TENM2: variants seen among roughly 807,000 people sequenced by gnomAD.
TENM2 encodes teneurin transmembrane protein 2.
In TENM2, 52 loss-of-function variants were observed where a neutral mutation model predicts 245.2. The observed-to-expected ratio is 0.21, with a 90% CI of 0.17 to 0.27. The LOEUF (loss-of-function observed/expected upper bound fraction) is 0.27. Among genes scored for constraint, TENM2 ranks in the 10% least tolerant of loss-of-function variants. The pLI is 1.00. For synonymous variants in TENM2, 1,363 were observed against 1,438.9 expected, an observed-to-expected ratio of 0.95 and a Z score of 1.19; for missense variants, 3,046 against 3,666.8, an observed-to-expected ratio of 0.83 and a Z score of 4.37.
At chr5:167,981,704 C>A (rs1782846140) in intron 4 of TENM2, among the ~76,000 whole-genome samples, 1 of 152,164 alleles carries the variant, frequency 6.6e-6, no homozygotes. Context: ...TCCCCTTGGC[C>A]AGGCATGGTG....
chr5:167,256,802 C>G, the TENM2 span, among the ~76,000 whole-genome samples: 46 of 151,874 alleles, frequency 3.0e-4, no homozygotes, highest in Non-Finnish European at 2.9e-5. Context: ...AGAAAAAATA[C>G]AAACTAATAA....
Position 167,606,322 on chromosome 5 carries a change from T to A in TENM2, c.502+230849T>A, listed in dbSNP as rs576762632. ...AAAGTCTGAGATCAGGGTGCCAGCA[T>A]GGTCAGGTTTTTGATGCCCTTGATT... is the stretch of plus-strand genomic sequence containing the variant. On this transcript the variant is annotated intron_variant, in intron 2 of 28. Transcript: ENST00000518659. Among the ~76,000 whole-genome samples, 7 of 151,922 alleles carry A rather than the reference T, an allele frequency of 4.6e-5. No individual in the cohort carries two copies. The South Asian group carries it at 1.2e-3, about 27-fold the overall frequency.
At chr5:167,598,734 A>T (rs1776390591) in intron 2 of TENM2, among the ~76,000 whole-genome samples, 2 of 151,816 alleles carry the variant, frequency 1.3e-5, no homozygotes, top group South Asian at 4.2e-4. Context: ...AGGTATGATG[A>T]TCAGAGTTTG....
intron 3 of TENM2, among the ~76,000 whole-genome samples, chr5:167,920,219 C>T (rs1197661612): frequency 1.3e-5 from 2 of 151,266 alleles, no homozygotes; most frequent in South Asian, 2.1e-4. Context: ...GGGCCAGGCG[C>T]GGTGGCTCAC....
At chr5:168,125,095 C>CTCT (rs1562190023) in intron 11 of TENM2, 45 bp downstream of exon 13, 1 of 1,517,752 alleles carries the variant, frequency 6.6e-7, no homozygotes, top group Non-Finnish European at 9.0e-7. Flanking sequence ...CACTCCTGCC[C>CTCT]TGTGTTCCAT....
At chr5:167,147,646 C>T in the TENM2 span, among the ~76,000 whole-genome samples, 34,989 of 152,020 alleles carry the variant, frequency 0.23, 5,532 homozygotes, top group African/African-American at 0.45. Flanking sequence ...GTTCTTTCAT[C>T]CATGAATCAC....
At chr5:167,300,655 G>C (rs192921536) in intron 1 of TENM2, among the ~76,000 whole-genome samples, 1 of 152,114 alleles carries the variant, frequency 6.6e-6, no homozygotes, top group Non-Finnish European at 1.5e-5. Flanking sequence ...AGGGGGGTAA[G>C]AGTGATTAGG....
exon 10 of TENM2, chr5:168,118,415 G>T: frequency 6.2e-7 from 1 of 1,610,938 alleles, no homozygotes. Flanking sequence ...CCTTCCTGCG[G>T]GGGCCACGGC....
chr5:168,023,259 G>T (rs1253880217), intron 5 of TENM2, among the ~76,000 whole-genome samples: 2 of 152,204 alleles, frequency 1.3e-5, no homozygotes, highest in African/African-American at 4.8e-5. Context: ...TTTGAAATTG[G>T]ATATTCAAAA....
At chr5:167,954,980 C>G (rs564110961) in intron 4 of TENM2, among the ~76,000 whole-genome samples, 6 of 152,290 alleles carry the variant, frequency 3.9e-5, no homozygotes, top group African/African-American at 1.4e-4. Context: ...TGGGTTCATA[C>G]CCAGTAATGG....
intron 1 of TENM2, among the ~76,000 whole-genome samples, chr5:167,290,430 C>T (rs1218945631): frequency 6.6e-6 from 1 of 152,262 alleles, no homozygotes; most frequent in South Asian, 2.1e-4. Flanking sequence ...TAGTAGTTAT[C>T]GTTACAGTTA....
At chr5:167,977,566 G>C (rs1782535376) in intron 4 of TENM2, among the ~76,000 whole-genome samples, 1 of 152,148 alleles carries the variant, frequency 6.6e-6, no homozygotes, top group African/African-American at 2.4e-5. Flanking sequence ...GGGATGTTAA[G>C]ACATTTTCTA....
At chr5:167,371,358 C>CTTT (rs35083581) in intron 1 of TENM2, among the ~76,000 whole-genome samples, 1 of 119,982 alleles carries the variant, frequency 8.3e-6, no homozygotes. Flanking sequence ...TCTTTCTTTT[C>CTTT]TTTTTTTTTT....
intron 12 of TENM2, among the ~76,000 whole-genome samples, chr5:168,138,702 G>A (rs1365419192): frequency 1.3e-5 from 2 of 152,232 alleles, no homozygotes; most frequent in African/African-American, 4.8e-5. Flanking sequence ...AGAACATGGT[G>A]TTCTAAACAT....
intron 2 of TENM2, among the ~76,000 whole-genome samples, chr5:167,786,391 T>G (rs1242827178): frequency 6.6e-6 from 1 of 152,240 alleles, no homozygotes; most frequent in East Asian, 1.9e-4. Flanking sequence ...CTCTCGGCCT[T>G]GTTCTTAAGA....
At chr5:167,740,879 G>A (rs546064118) in intron 2 of TENM2, among the ~76,000 whole-genome samples, 18 of 151,966 alleles carry the variant, frequency 1.2e-4, no homozygotes, top group Non-Finnish European at 2.2e-4. Context: ...GCTTCCTCCC[G>A]CTACTGGGCT....
At chr5:168,227,942 G>A in exon 25 of TENM2, 1 of 1,613,484 alleles carries the variant, frequency 6.2e-7, no homozygotes, top group Non-Finnish European at 8.5e-7. Flanking sequence ...TACCCTGAGG[G>A]TGATGTATGC....
chr5:167,532,556 T>A (rs1771576749), intron 2 of TENM2, among the ~76,000 whole-genome samples: 1 of 151,902 alleles, frequency 6.6e-6, no homozygotes, highest in South Asian at 2.1e-4. Flanking sequence ...ATGAGACTTA[T>A]TCACTATCAC....
chr5:167,208,892 G>A, the TENM2 span, among the ~76,000 whole-genome samples: 1 of 152,114 alleles, frequency 6.6e-6, no homozygotes, highest in Non-Finnish European at 1.5e-5. Flanking sequence ...TGTTCTATTC[G>A]AGTTGTTGGT....
Sources: allele counts gnomAD v4.1 joint callset (sites outside exome capture counted in the v4.1 genomes callset), GRCh38; gene constraint gnomAD v4.1.1; transcripts MANE v1.5; gene names NCBI Gene and HGNC (gene_info 2026-07-23, HGNC 2026-07-21).